The following RBPMS variants were observed in gnomAD, a reference collection of about 807,000 sequenced individuals.
RBPMS encodes the protein RNA-binding protein with multiple splicing.
A neutral mutation model predicts 26.8 loss-of-function variants in RBPMS; 7 were observed. The observed-to-expected ratio is 0.26, with a 90% CI of 0.15 to 0.49. The LOEUF is 0.49. Among genes scored for constraint, RBPMS ranks in the 20% least tolerant of loss-of-function variants. RBPMS has a pLI of 0.98. For missense variants in RBPMS, 186 were observed against 250.0 expected, an observed-to-expected ratio of 0.74 and a Z score of 1.73; for synonymous variants, 96 against 93.3, an observed-to-expected ratio of 1.03 and a Z score of -0.17.
intron 7 of RBPMS, among the ~76,000 whole-genome samples, chr8:30,563,888 C>G (rs1431326513): frequency 6.6e-6 from 1 of 152,200 alleles, no homozygotes; most frequent in African/African-American, 2.4e-5. Context: ...GGTGCACCCA[C>G]CAACCAGTAT....
At chr8:30,516,130 A>G (rs1445142145) in intron 5 of RBPMS, among the ~76,000 whole-genome samples, 1 of 152,236 alleles carries the variant, frequency 6.6e-6, no homozygotes, top group South Asian at 2.1e-4. Flanking sequence ...CTGTAATTGC[A>G]GCACTTTGGG....
At chr8:30,431,713 A>C (rs963568470) in intron 1 of RBPMS, among the ~76,000 whole-genome samples, 8 of 152,044 alleles carry the variant, frequency 5.3e-5, no homozygotes, top group African/African-American at 1.9e-4. Context: ...CGTCCTCCCA[A>C]AGTGTTGGGA....
At chr8:30,443,867 T>C (rs1813418319) in intron 1 of RBPMS, among the ~76,000 whole-genome samples, 1 of 151,940 alleles carries the variant, frequency 6.6e-6, no homozygotes, top group African/African-American at 2.4e-5. Context: ...AATGCTGGGA[T>C]TACAGGTGTG....
At chr8:30,504,653 C>T (rs1323187651) in intron 5 of RBPMS, among the ~76,000 whole-genome samples, 6 of 152,166 alleles carry the variant, frequency 3.9e-5, no homozygotes, top group Admixed American at 3.3e-4. Context: ...AGAACCATAA[C>T]TTCAGAATAT....
chr8:30,508,020 C>A (rs1821233403), intron 5 of RBPMS, among the ~76,000 whole-genome samples: 1 of 152,220 alleles, frequency 6.6e-6, no homozygotes, highest in African/African-American at 2.4e-5. Flanking sequence ...AGTGTCTGTT[C>A]CTAGTACCTC....
chr8:30,446,473 T>C (rs1308537166), intron 1 of RBPMS, among the ~76,000 whole-genome samples: 1 of 152,098 alleles, frequency 6.6e-6, no homozygotes, highest in Non-Finnish European at 1.5e-5. Flanking sequence ...GAGATGATAA[T>C]TAGTGACAGC....
intron 5 of RBPMS, among the ~76,000 whole-genome samples, chr8:30,522,621 A>C (rs558670250): frequency 1.6e-3 from 238 of 152,340 alleles, no homozygotes; most frequent in Non-Finnish European, 3.0e-3. Flanking sequence ...GGATAGGAGG[A>C]AACTTTTGGA....
intron 1 of RBPMS, among the ~76,000 whole-genome samples, chr8:30,409,056 T>TTTG (rs1808985177): frequency 6.6e-6 from 1 of 152,222 alleles, no homozygotes; most frequent in Non-Finnish European, 1.5e-5. Flanking sequence ...ATACCGCCAT[T>TTTG]GTATGGATGT....
Position 30,465,004 on chromosome 8 carries a change from T to A in RBPMS, c.67-9775T>A, listed in dbSNP as rs116541335. Among the ~76,000 whole-genome samples, 894 of 152,286 alleles carry A rather than the reference T, an allele frequency of 5.9e-3. 13 individuals are homozygous for A. Among genetic ancestry groups the A allele is most frequent in the African/African-American group, 0.021 (868 of 41,548 alleles). ...TGTTTTAGCAGTGTATGCAGTGAAA[T>A]TGTATGAAAAGTAACATTTCATAGG... On this transcript the variant is annotated intron_variant, in intron 1 of 8. Coordinates refer to ENST00000397323, the MANE Select transcript of RBPMS (RefSeq NM_001008710.3).
intron 5 of RBPMS, among the ~76,000 whole-genome samples, chr8:30,508,375 T>C (rs1408917153): frequency 6.6e-6 from 1 of 152,246 alleles, no homozygotes; most frequent in Non-Finnish European, 1.5e-5. Flanking sequence ...AGCCTAGACT[T>C]AAATTCTAGA....
chr8:30,474,586 A>G (rs987539421), intron 1 of RBPMS, among the ~76,000 whole-genome samples, 193 bp from the exon 2 acceptor site: 1 of 152,202 alleles, frequency 6.6e-6, no homozygotes, highest in Non-Finnish European at 1.5e-5. Context: ...CATCTCCCCT[A>G]AAATTTAAAA....
intron 7 of RBPMS, among the ~76,000 whole-genome samples, chr8:30,560,789 C>G (rs1289763734): frequency 6.6e-6 from 1 of 152,102 alleles, no homozygotes; most frequent in African/African-American, 2.4e-5. Context: ...CCAGGTCATC[C>G]TTTTTTCACA....
rs563463273 is a variant in RBPMS, at chr8:30,549,665, G to T, written c.528+5041G>T. On this transcript the variant is annotated intron_variant, in intron 6 of 8. Coordinates refer to ENST00000397323, the MANE Select transcript of RBPMS (RefSeq NM_001008710.3). ...GGAGGCCAGGCCTCATGCTCACAGC[G>T]CCAGCCTCCTGTGAGAGTGGGCTGG... 3.8e-6 allele frequency: 4 copies of T among 1,055,218 alleles called. No individual in the cohort carries two copies. In the African/African-American group the frequency reaches 4.7e-5, roughly 12 times the overall value. 65.4% of individuals were successfully genotyped at this position (1,055,218 alleles called of 1,614,324 possible).
At chr8:30,390,731 C>A (rs1298536643) in intron 1 of RBPMS, among the ~76,000 whole-genome samples, 1 of 152,100 alleles carries the variant, frequency 6.6e-6, no homozygotes, top group Non-Finnish European at 1.5e-5. Context: ...CCATTTAACT[C>A]CTGGTTATTA....
intron 5 of RBPMS, among the ~76,000 whole-genome samples, chr8:30,519,487 T>C (rs1404619274): frequency 6.9e-5 from 3 of 43,480 alleles, no homozygotes; most frequent in Admixed American, 3.0e-4. Context: ...TTTTTTTTTT[T>C]TTTTTTTTTT....
At chr8:30,517,131 A>G (rs1822410257) in intron 5 of RBPMS, among the ~76,000 whole-genome samples, 1 of 150,770 alleles carries the variant, frequency 6.6e-6, no homozygotes, top group South Asian at 2.1e-4. Flanking sequence ...ACCTGCTTTC[A>G]TTCTCAGCTC....
In RBPMS at chr8:30,422,342, G is replaced by C. The variant is rs893524624; in HGVS notation, c.66+37184G>C. ...TTGGCCAGGCTGGTCTTGAACTCCT[G>C]ACCTCAGGTGATCCACCCACCTCAG... is the stretch of plus-strand genomic sequence containing the variant. On this transcript the variant is annotated intron_variant, in intron 1 of 8. Transcript: ENST00000397323. Among the ~76,000 whole-genome samples, 54 of 152,102 alleles carry C rather than the reference G, an allele frequency of 3.6e-4. 1 individual carries two copies. Among genetic ancestry groups the C allele is most frequent in the African/African-American group, 1.3e-3 (53 of 41,506 alleles).
At chr8:30,432,756 A>AT (rs1812069032) in intron 1 of RBPMS, among the ~76,000 whole-genome samples, 1 of 152,170 alleles carries the variant, frequency 6.6e-6, no homozygotes, top group Non-Finnish European at 1.5e-5. Flanking sequence ...AGTAGTTTCG[A>AT]TTTATTCTTT....
chr8:30,540,431 C>T (rs1462750647), intron 5 of RBPMS, among the ~76,000 whole-genome samples: 1 of 152,084 alleles, frequency 6.6e-6, no homozygotes, highest in African/African-American at 2.4e-5. Flanking sequence ...AGTGACATGA[C>T]TGAATTAAGA....
Sources: gnomAD v4.1 joint callset for allele counts (sites outside exome capture counted in the v4.1 genomes callset) on GRCh38, gnomAD v4.1.1 for gene constraint, MANE v1.5 for transcripts, NCBI Gene and HGNC (gene_info 2026-07-23, HGNC 2026-07-21) for gene names.